The following INTS2 variants were observed in gnomAD, a reference collection of about 807,000 sequenced individuals.
INTS2 encodes the protein integrator complex subunit 2.
In INTS2, 57 loss-of-function variants were observed where a neutral mutation model predicts 139.6. The observed-to-expected ratio is 0.41, with a 90% CI of 0.33 to 0.51. INTS2 has a LOEUF of 0.51. INTS2 is among the 20% of genes least tolerant of loss of function. INTS2 has a pLI of 0.28. For synonymous variants in INTS2, 473 were observed against 493.4 expected, an observed-to-expected ratio of 0.96 and a Z score of 0.55; for missense variants, 1,196 against 1,436.7, an observed-to-expected ratio of 0.83 and a Z score of 2.71.
In INTS2 at chr17:61,875,013, G is replaced by A. The variant is rs746554346; in HGVS notation, c.2482C>T (p.Leu828Phe). 2 of 1,597,154 alleles carry A rather than the reference G, an allele frequency of 1.3e-6. No individual in the cohort carries two copies. The highest frequency in any genetic ancestry group is 2.3e-5 in the South Asian group (2 of 88,430). The change falls in exon 19 of 25, where the codon CTT (leucine) becomes TTT (phenylalanine). Residue 828 changes from leucine (L) to phenylalanine (F), a missense_variant. Leu to Phe is a conservative substitution (Grantham distance 22, BLOSUM62 0). Transcript: ENST00000251334. This position sits in a 1 kb window ranked among gnomAD's most constrained non-coding sequence, Gnocchi z 4.6. ...RRLWVMTVNALQPSIKFVRQQ... is the reference protein window; with the variant it reads ...RRLWVMTVNAFQPSIKFVRQQ... ...CGTACAAACTTTATTGAAGGCTGAA[G>A]TGCATTAACCGTCATTACCCATAGC... is the stretch of plus-strand genomic sequence containing the variant.
In INTS2 at chr17:61,897,714, C is replaced by T. The variant is rs1214268024; in HGVS notation, c.1333G>A (p.Val445Met). The change falls in exon 10 of 25, where the codon GTG (valine) becomes ATG (methionine). Residue 445 changes from valine (V) to methionine (M), a missense_variant. Around this residue, in one of 3 missense-constraint regions of INTS2, gnomAD observed 1,129 missense variants for 1,341.9 expected, o/e 0.84. Coordinates refer to ENST00000251334, the MANE Select transcript of INTS2 (RefSeq NM_001351695.2). The surrounding 1 kb of genome is among the most constrained non-coding windows in gnomAD (Gnocchi z 4.4). ...TTTATCATCCAACTTAGCCACACCA[C>T]CATCAGCTGCTCCTGTTCAGGTGTA... is the stretch of plus-strand genomic sequence containing the variant. ...VSTPEQEQLM[V>M]VWLSWMIKEE... 6.2e-7 allele frequency: 1 copy of T among 1,608,226 alleles called. No homozygotes were observed. Among genetic ancestry groups the T allele is most frequent in the East Asian group, 2.2e-5 (1 of 44,796 alleles).
intron 9 of INTS2, among the ~76,000 whole-genome samples, chr17:61,901,100 A>G (rs1038158386): frequency 2.0e-5 from 3 of 151,966 alleles, no homozygotes; most frequent in Non-Finnish European, 2.9e-5. Flanking sequence ...CAAAAGTGAG[A>G]CCCCATCCCT....
chr17:61,882,505 G>T lies in INTS2; in HGVS notation c.2090-1334C>A, dbSNP rs1377891716. Reference sequence around the variant, plus strand: ...GCACCTTGGGAGACTGAGGGAGATGGATCACTTGAGGCCAGGAGTTGGAGA... The same window carrying T: ...GCACCTTGGGAGACTGAGGGAGATGTATCACTTGAGGCCAGGAGTTGGAGA... On this transcript the variant is annotated intron_variant, in intron 16 of 24. Transcript: ENST00000251334. The surrounding 1 kb of genome is among the most constrained non-coding windows in gnomAD (Gnocchi z 4.7). Among the ~76,000 whole-genome samples the T allele has an allele frequency of 1.3e-5, 2 of 152,160 alleles. No individual in the cohort carries two copies. The highest frequency in any genetic ancestry group is 2.9e-5 in the Non-Finnish European group (2 of 68,024).
At chr17:61,887,677 T>C (rs668794) in intron 15 of INTS2, among the ~76,000 whole-genome samples, 151,412 of 152,266 alleles carry the variant, frequency 0.99, 75,287 homozygotes, top group Middle Eastern at 1. Context: ...ATAAAGTTCA[T>C]GGAAAAGATT....
Position 61,869,922 on chromosome 17 carries a change from C to T in INTS2, c.2845G>A (p.Val949Ile), listed in dbSNP as rs2079075804. 6 of 1,613,662 alleles carry T rather than the reference C, an allele frequency of 3.7e-6. No individual in the cohort carries two copies. Among genetic ancestry groups the T allele is most frequent in the Non-Finnish European group, 5.1e-6 (6 of 1,179,750 alleles). The change falls in exon 21 of 25, where the codon GTC (valine) becomes ATC (isoleucine). Residue 949 changes from valine (V) to isoleucine (I), a missense_variant. By Grantham distance (29) the Val-to-Ile change is conservative (BLOSUM62 3). Around this residue, in one of 3 missense-constraint regions of INTS2, gnomAD observed 1,129 missense variants for 1,341.9 expected, o/e 0.84. Transcript: ENST00000251334. The surrounding 1 kb of genome is among the most constrained non-coding windows in gnomAD (Gnocchi z 5.4). ...LPTEEEKANGVNPDSLLRNVQ... is the reference protein window; with the variant it reads ...LPTEEEKANGINPDSLLRNVQ... ...TTTCTTAACAAGCTATCTGGATTGA[C>T]ACCATTTGCTTTCTCCTCTTCAGTA...
chr17:61,888,911 G>A (rs1440359805), intron 15 of INTS2, among the ~76,000 whole-genome samples: 1 of 152,016 alleles, frequency 6.6e-6, no homozygotes, highest in Non-Finnish European at 1.5e-5. Context: ...TGTAGTCCCA[G>A]CTACGCCGGA....
chr17:61,913,306 A>G (rs1603382078), intron 5 of INTS2, among the ~76,000 whole-genome samples: 1 of 150,612 alleles, frequency 6.6e-6, no homozygotes. Flanking sequence ...ATGCCACTGC[A>G]CTCCAGCCTG....
At chr17:61,902,574 A>G (rs1227573846) in intron 9 of INTS2, among the ~76,000 whole-genome samples, 1 of 152,092 alleles carries the variant, frequency 6.6e-6, no homozygotes, top group Non-Finnish European at 1.5e-5. Flanking sequence ...CACTCTAAAA[A>G]TAACTTGCTC....
Position 61,927,877 on chromosome 17 carries a change from C to A in INTS2, c.-242G>T, listed in dbSNP as rs533742666. On this transcript the variant is annotated 5_prime_UTR_variant, in exon 1 of 25. Coordinates refer to ENST00000251334, the MANE Select transcript of INTS2 (RefSeq NM_001351695.2). ...GAAGGATGGGGGCACCACACAAAGG[C>A]AGAACCGGGACTGTAGGAACGGAAA... 3 of 1,613,912 alleles carry A rather than the reference C, an allele frequency of 1.9e-6. No homozygotes were observed. The African/African-American group carries it at 4.0e-5, about 22-fold the overall frequency.
In INTS2 at chr17:61,891,396, C is replaced by T. The variant is rs2079292032; in HGVS notation, c.1875+117G>A. ...TAGAGGTGATCTAAGGAAATTTAAT[C>T]TAATTTTAAATTCAGAACTACCTAG... On this transcript the variant is annotated intron_variant, in intron 14 of 24. Coordinates refer to ENST00000251334, the MANE Select transcript of INTS2 (RefSeq NM_001351695.2). The T allele has an allele frequency of 3.9e-6, 3 of 777,290 alleles. No individual in the cohort carries two copies. The South Asian group carries it at 5.2e-5, about 14-fold the overall frequency. 48.1% of individuals were successfully genotyped at this position (777,290 alleles called of 1,614,324 possible).
intron 15 of INTS2, among the ~76,000 whole-genome samples, chr17:61,887,583 C>A (rs1025392771): frequency 6.6e-6 from 1 of 151,642 alleles, no homozygotes; most frequent in African/African-American, 2.4e-5. Context: ...GACGTAAATT[C>A]TCTCCAAATT....
At chr17:61,888,367 CAAAAAAT>C (rs781093878) in intron 15 of INTS2, among the ~76,000 whole-genome samples, 23 of 151,870 alleles carry the variant, frequency 1.5e-4, no homozygotes, top group Non-Finnish European at 3.4e-4. Flanking sequence ...GACCCTGTCT[CAAAAAAT>C]AAATAGATGA....
Position 61,893,923 on chromosome 17 carries a change from T to C in INTS2, c.1564-24A>G. Reference sequence around the variant, plus strand: ...ACCTAAAAGGGAAAAATAGCATTAGTAATATAATAGAACTAAATATAAAAT... The same window carrying C: ...ACCTAAAAGGGAAAAATAGCATTAGCAATATAATAGAACTAAATATAAAAT... On this transcript the variant is annotated intron_variant, in intron 12 of 24. Transcript: ENST00000251334. This position sits in a 1 kb window ranked among gnomAD's most constrained non-coding sequence, Gnocchi z 5.4. 6.7e-7 allele frequency: 1 copy of C among 1,500,818 alleles called. No individual in the cohort carries two copies. Among genetic ancestry groups the C allele is most frequent in the Non-Finnish European group, 9.0e-7 (1 of 1,111,410 alleles). 93.0% of individuals were successfully genotyped at this position (1,500,818 alleles called of 1,614,324 possible).
At position 61,907,570 on chromosome 17, in the gene INTS2, A is replaced by G; in HGVS notation, c.1019T>C (p.Met340Thr). 1.9e-6 allele frequency: 3 copies of G among 1,593,732 alleles called. No individual in the cohort carries two copies. Among genetic ancestry groups the G allele is most frequent in the Non-Finnish European group, 2.6e-6 (3 of 1,169,640 alleles). ...GCTTCTTACTGTGGGAAGAATGCCC[A>G]TCAACTCCAGAAGAAGCTGCCTTCT... is the stretch of plus-strand genomic sequence containing the variant. Reference protein sequence around the residue: ...QMRRQLLLELMGILPTVRSTR... With the variant: ...QMRRQLLLELTGILPTVRSTR... Residue 340 changes from methionine to threonine, a missense_variant, in exon 8 of 25, where the codon ATG (methionine) becomes ACG (threonine). Met to Thr is a moderately conservative substitution (Grantham distance 81). Around this residue, in one of 3 missense-constraint regions of INTS2, gnomAD observed 1,129 missense variants for 1,341.9 expected, o/e 0.84. Coordinates refer to ENST00000251334, the MANE Select transcript of INTS2 (RefSeq NM_001351695.2).
rs2079733511 is a variant in INTS2, at chr17:61,927,782, T to C, written c.-147A>G. ...GATATCCGGAACCCCAAACCCTAGT[T>C]GTGCCTCGAGTCGACTCGGACACCA... On this transcript the variant is annotated 5_prime_UTR_variant, in exon 1 of 25. Transcript: ENST00000251334. The C allele has an allele frequency of 6.3e-7, 1 of 1,591,442 alleles. No homozygotes were observed.
rs1258516384 is a variant in INTS2, at chr17:61,922,417, G to A, written c.433-590C>T. Among the ~76,000 whole-genome samples, 5 of 139,258 alleles carry A rather than the reference G, an allele frequency of 3.6e-5. No homozygotes were observed. The East Asian group carries it at 6.4e-4, about 18-fold the overall frequency. 91.4% of individuals were successfully genotyped at this position (139,258 alleles called of 152,430 possible). On this transcript the variant is annotated intron_variant, in intron 3 of 24. Coordinates refer to ENST00000251334, the MANE Select transcript of INTS2 (RefSeq NM_001351695.2). ...CGGGAGGTGGAGGCTGCAGTGAGCC[G>A]AGATAGCACCACTGCACTCCACACT... is the stretch of plus-strand genomic sequence containing the variant.
rs369795873 is a variant in INTS2 at position 61,906,879 on chromosome 17, G to A, written c.1181+529C>T. Among the ~76,000 whole-genome samples, 102 of 134,198 alleles carry A rather than the reference G, an allele frequency of 7.6e-4. 2 individuals carry two copies. In the South Asian group the frequency reaches 0.024, roughly 31 times the overall value. The allele number at this position is 134,198 out of a possible 152,430, so 88.0% of individuals were successfully genotyped here. On this transcript the variant is annotated intron_variant, in intron 8 of 24. Coordinates refer to ENST00000251334, the MANE Select transcript of INTS2 (RefSeq NM_001351695.2). ...CCGGGTGTGGTGAGGCAGGAGAATC[G>A]CTTGAATCCGGGAGGCAGAGGTTAC...
At chr17:61,914,571 C>G (rs4968459) in intron 5 of INTS2, among the ~76,000 whole-genome samples, 1 of 151,226 alleles carries the variant, frequency 6.6e-6, no homozygotes, top group East Asian at 2.0e-4. Flanking sequence ...GTGGTGGTGG[C>G]GGGCGCCTGT....
In INTS2 at chr17:61,921,711, A is replaced by G. The variant is rs769603245; in HGVS notation, c.535+14T>C. On this transcript the variant is annotated intron_variant, in intron 4 of 24. Coordinates refer to ENST00000251334, the MANE Select transcript of INTS2 (RefSeq NM_001351695.2). ...AACTATATATGAAATCCATCTTAGC[A>G]CTCAGTACAGTACCTGCTTGTAAAA... 3 of 1,338,590 alleles carry G rather than the reference A, an allele frequency of 2.2e-6. No homozygotes were observed. Among genetic ancestry groups the G allele is most frequent in the Non-Finnish European group, 3.1e-6 (3 of 956,538 alleles). The allele number at this position is 1,338,590 out of a possible 1,614,324, so 82.9% of individuals were successfully genotyped here.
Sources: allele counts gnomAD v4.1 joint callset (sites outside exome capture counted in the v4.1 genomes callset), GRCh38; gene constraint gnomAD v4.1.1; regional missense constraint gnomAD v4.1.1; non-coding constraint Gnocchi (gnomAD v3.1); transcripts MANE v1.5; gene names NCBI Gene and HGNC (gene_info 2026-07-23, HGNC 2026-07-21).